NGEF: variants seen among roughly 807,000 people sequenced by gnomAD.
NGEF encodes neuronal guanine nucleotide exchange factor.
A neutral mutation model predicts 80.9 loss-of-function variants in NGEF; 31 were observed. That is an observed-to-expected ratio of 0.38 (90% CI 0.29 to 0.52). The LOEUF (loss-of-function observed/expected upper bound fraction) is 0.52, where lower values mean the gene tolerates loss of function less well. NGEF is among the 20% of genes least tolerant of loss of function. The pLI is 0.84. For missense variants in NGEF, 709 were observed against 926.2 expected, an observed-to-expected ratio of 0.77 and a Z score of 3.04; for synonymous variants, 371 against 370.2, an observed-to-expected ratio of 1.00 and a Z score of -0.03.
intron 3 of NGEF, among the ~76,000 whole-genome samples, chr2:232,933,327 C>G (rs559381977): frequency 6.6e-6 from 1 of 151,968 alleles, no homozygotes; most frequent in Non-Finnish European, 1.5e-5. Flanking sequence ...CCGTCTCCCC[C>G]AGCTCCCCTC....
At chr2:233,007,315 G>A (rs115461442) in intron 1 of NGEF, among the ~76,000 whole-genome samples, 1,690 of 152,226 alleles carry the variant, frequency 0.011, 37 homozygotes, top group African/African-American at 0.038. Flanking sequence ...CAGCTTTAAC[G>A]ATCACAGAGT....
At chr2:232,894,514 G>GAGCTT (rs772276429) in intron 6 of NGEF, 5 of 369,628 alleles carry the variant, frequency 1.4e-5, no homozygotes, top group Non-Finnish European at 2.5e-5. Flanking sequence ...GCTCAGCGCA[G>GAGCTT]AGCTTTGTGT....
intron 1 of NGEF, among the ~76,000 whole-genome samples, chr2:232,984,647 G>A (rs951303055): frequency 1.3e-5 from 2 of 152,186 alleles, no homozygotes; most frequent in African/African-American, 2.4e-5. Context: ...TGCAGCAAGC[G>A]AAGCACAAAT....
intron 5 of NGEF, among the ~76,000 whole-genome samples, chr2:232,900,279 C>G (rs1559199720): frequency 7.4e-6 from 1 of 135,520 alleles, no homozygotes; most frequent in Admixed American, 7.2e-5. Flanking sequence ...CACATTCACA[C>G]ACACACGCTC....
chr2:232,989,412 A>G (rs989724960), intron 1 of NGEF, among the ~76,000 whole-genome samples: 1 of 152,238 alleles, frequency 6.6e-6, no homozygotes, highest in East Asian at 1.9e-4. Context: ...GTGCCACTGC[A>G]CTCTAGCCTG....
Position 232,885,285 on chromosome 2 carries a change from T to C in NGEF, c.1432A>G (p.Ile478Val). 6.2e-7 allele frequency: 1 copy of C among 1,613,862 alleles called. No homozygotes were observed. The highest frequency in any genetic ancestry group is 1.1e-5 in the South Asian group (1 of 91,082). ...ISIQKKMEFK[I>V]KSVPIISHSR... Reference sequence around the variant, plus strand: ...CACCAATCCCACCGGTTCACCTTGATCTTGAACTCCATCTTCTTCTGAATG... The same window carrying C: ...CACCAATCCCACCGGTTCACCTTGACCTTGAACTCCATCTTCTTCTGAATG... Residue 478 changes from isoleucine to valine, a missense_variant, in exon 10 of 15, where the codon ATC (isoleucine) becomes GTC (valine). Ile to Val is a conservative substitution (Grantham distance 29). Around this residue, in one of 2 missense-constraint regions of NGEF, gnomAD observed 426 missense variants for 622.9 expected, o/e 0.68. Transcript: ENST00000264051.
At chr2:232,971,858 C>T (rs1381863069) in intron 2 of NGEF, among the ~76,000 whole-genome samples, 1 of 152,186 alleles carries the variant, frequency 6.6e-6, no homozygotes, top group Non-Finnish European at 1.5e-5. Flanking sequence ...CCCTCCCCAG[C>T]TTCATCCCAG....
At chr2:233,012,912 G>T (rs981402054) in intron 1 of NGEF, 156 bp downstream of exon 1, 9 of 470,760 alleles carry the variant, frequency 1.9e-5, no homozygotes, top group African/African-American at 1.8e-4. Flanking sequence ...GGATCCCTCG[G>T]GTGGAATCCA....
In NGEF at chr2:232,972,744, C is replaced by CTT. The variant is rs61594239; in HGVS notation, c.268+1877_268+1878dup. ...CTTTCTCCCCAGCCATGTCCTTATCCTTTTTTTTTTTTTTTTTTTTTTTTT... is the reference window on the plus strand; with the variant it reads ...CTTTCTCCCCAGCCATGTCCTTATCCTTTTTTTTTTTTTTTTTTTTTTTTTTT... On this transcript the variant is annotated intron_variant, in intron 2 of 14. Coordinates refer to ENST00000264051, the MANE Select transcript of NGEF (RefSeq NM_019850.3). 8.5e-3 allele frequency among the ~76,000 whole-genome samples: 1,041 copies of CTT among 123,068 alleles called. 141 individuals carry two copies. The East Asian group carries it at 0.1, about 12-fold the overall frequency. 80.7% of individuals were successfully genotyped at this position (123,068 alleles called of 152,430 possible). A position where few individuals can be genotyped will look rare whatever the true frequency, so the allele number is the denominator to read the frequency against.
rs1321224974 is a variant in NGEF, at chr2:232,920,365, G to A, written c.747C>T (p.Phe249=). 1.7e-5 allele frequency: 28 copies of A among 1,614,170 alleles called. No homozygotes were observed. The highest frequency in any genetic ancestry group is 2.4e-5 in the Non-Finnish European group (28 of 1,180,024). Residue 249 remains phenylalanine, a synonymous_variant, in exon 5 of 15, where the codon TTC becomes TTT. Coordinates refer to ENST00000264051, the MANE Select transcript of NGEF (RefSeq NM_019850.3). ...TCTCGGGAAGATCCTGCCAGAGGTT[G>A]AACCTTGAGTGGGGGTTACTGAGCA... is the stretch of plus-strand genomic sequence containing the variant. ...ICLLSNPHSR[F]NLWQDLPEIR...
chr2:233,003,433 T>C (rs1422240716), intron 1 of NGEF, among the ~76,000 whole-genome samples: 1 of 152,226 alleles, frequency 6.6e-6, no homozygotes, highest in Non-Finnish European at 1.5e-5. Context: ...GTTCTGGCAA[T>C]GGTTCGCAGC....
intron 3 of NGEF, among the ~76,000 whole-genome samples, chr2:232,939,598 T>C (rs931886971): frequency 6.6e-6 from 1 of 152,238 alleles, no homozygotes; most frequent in African/African-American, 2.4e-5. Flanking sequence ...AAAGCTAGTA[T>C]GTAATATGAA....
chr2:232,899,813 GTCAC>G (rs1295055360), intron 5 of NGEF, among the ~76,000 whole-genome samples: 1 of 92,834 alleles, frequency 1.1e-5, no homozygotes, highest in African/African-American at 4.8e-5. Flanking sequence ...CACGCTCTCA[GTCAC>G]TCATATACAC....
chr2:232,970,126 A>G, intron 3 of NGEF, 88 bp downstream of exon 3: 1 of 585,562 alleles, frequency 1.7e-6, no homozygotes, highest in Non-Finnish European at 2.8e-6. Flanking sequence ...TTAACATGAC[A>G]CCCTCGTAAC....
chr2:232,959,674 G>C (rs2106312997), intron 3 of NGEF, among the ~76,000 whole-genome samples: 1 of 151,324 alleles, frequency 6.6e-6, no homozygotes, highest in East Asian at 1.9e-4. Context: ...CTGTCTCCTG[G>C]GTTCAAGTGA....
chr2:232,997,460 G>A (rs1694877345), intron 1 of NGEF, among the ~76,000 whole-genome samples: 1 of 152,102 alleles, frequency 6.6e-6, no homozygotes, highest in Non-Finnish European at 1.5e-5. Flanking sequence ...GTGAAGTGAA[G>A]CTGGCATCCA....
rs1694775696 is a variant in NGEF, at chr2:232,995,245, ATAC to A, written c.-75+17820_-75+17822del. 1.3e-4 allele frequency among the ~76,000 whole-genome samples: 4 copies of A among 31,702 alleles called. 1 individual carries two copies. Among genetic ancestry groups the A allele is most frequent in the Non-Finnish European group, 2.0e-4 (3 of 14,788 alleles). 20.8% of individuals were successfully genotyped at this position (31,702 alleles called of 152,430 possible). On this transcript the variant is annotated intron_variant, in intron 1 of 14. Transcript: ENST00000264051. ...AGTATGTATGCTGTGTACAGTATGT[ATAC>A]TGTATATGTGTACAGTATGTATGCT...
At chr2:232,958,238 T>TTATC (rs1312155780) in intron 3 of NGEF, among the ~76,000 whole-genome samples, 2 of 152,094 alleles carry the variant, frequency 1.3e-5, no homozygotes, top group Non-Finnish European at 2.9e-5. Flanking sequence ...GAGAAATGGG[T>TTATC]TATCACCAAA....
intron 3 of NGEF, among the ~76,000 whole-genome samples, chr2:232,938,906 TGTG>T (rs1026495150): frequency 1.3e-5 from 2 of 151,360 alleles, no homozygotes; most frequent in African/African-American, 4.9e-5. Flanking sequence ...CTAGGCCGGG[TGTG>T]GTGGCTCATG....
Sources: allele counts gnomAD v4.1 joint callset (sites outside exome capture counted in the v4.1 genomes callset), GRCh38; gene constraint gnomAD v4.1.1; regional missense constraint gnomAD v4.1.1; transcripts MANE v1.5; gene names NCBI Gene and HGNC (gene_info 2026-07-23, HGNC 2026-07-21).